Variants in PKD1 observed in about 807,000 individuals in gnomAD.
PKD1 encodes the protein polycystin 1, transient receptor potential channel interacting.
Under a neutral mutation model 361.7 loss-of-function variants are expected in PKD1, and 81 were observed. The observed-to-expected ratio is 0.22, with a 90% CI of 0.19 to 0.27. The LOEUF (loss-of-function observed/expected upper bound fraction) is 0.27. Among genes scored for constraint, PKD1 ranks in the 10% least tolerant of loss-of-function variants. The probability of loss-of-function intolerance (pLI) is 1.00; values close to 1 mark genes in which losing one functional copy is unlikely to be tolerated. For missense variants in PKD1, 6,399 were observed against 6,118.3 expected, an observed-to-expected ratio of 1.05 and a Z score of -1.53; for synonymous variants, 3,615 against 2,818.3, an observed-to-expected ratio of 1.28 and a Z score of -8.95.
intron 25 of PKD1, 27 bp from the exon 26 acceptor site, chr16:2,102,283 G>A: frequency 1.4e-6 from 2 of 1,474,548 alleles, no homozygotes; most frequent in African/African-American, 1.4e-5. Context: ...GCCGGGCCCA[G>A]GAGGTCACGT....
chr16:2,111,348 G>A lies in PKD1; in HGVS notation c.3819C>T (p.Thr1273=), dbSNP rs764979703. ...VYLRAQNCTV[T]VGAASPAGHL... ...GGCCGGCGGGGCTGGCCGCACCCAC[G>A]GTCACTGTGCAGTTCTGTGCCCGCA... Residue 1273 remains threonine (T), a synonymous_variant, in exon 15 of 46, where the codon ACC becomes ACT. Transcript: ENST00000262304. 36 of 1,609,444 alleles carry A rather than the reference G, an allele frequency of 2.2e-5. No homozygotes were observed. Among genetic ancestry groups the A allele is most frequent in the South Asian group, 1.3e-4 (12 of 90,950 alleles).
rs185355445 is a variant in PKD1, at chr16:2,093,096, G to A, written c.11017-3C>T. On this transcript the variant is annotated splice_region_variant and splice_polypyrimidine_tract_variant and intron_variant, in intron 37 of 45. Transcript: ENST00000262304. ...AAAAGCATGTACACCAGGAGGCTCT[G>A]GTGGACGGGGGGGCCCTGTGGTCAG... 3,687 of 1,612,336 alleles carry A rather than the reference G, an allele frequency of 2.3e-3. 2 individuals carry two copies. The highest frequency in any genetic ancestry group is 2.9e-3 in the Non-Finnish European group (3,434 of 1,179,896).
At chr16:2,098,548 CAT>C (rs1220367478) in intron 30 of PKD1, among the ~76,000 whole-genome samples, 1 of 146,322 alleles carries the variant, frequency 6.8e-6, no homozygotes, top group Admixed American at 6.8e-5. Context: ...CGAGCAGCCA[CAT>C]GTGGCCTCTG....
rs560799680 is a variant in PKD1 at position 2,117,680 on chromosome 16, C to T, written c.1202-8G>A. ...GGCAGAGCGGGTGCACCGCTGGAGA[C>T]CGGTGGGAACGAGGGTGTCAACGGT... On this transcript the variant is annotated splice_region_variant and splice_polypyrimidine_tract_variant and intron_variant, in intron 5 of 45. Transcript: ENST00000262304. 1.1e-4 allele frequency: 182 copies of T among 1,606,910 alleles called. 1 individual carries two copies. In the South Asian group the frequency reaches 1.4e-3, roughly 12 times the overall value.
intron 1 of PKD1, among the ~76,000 whole-genome samples, chr16:2,120,578 T>C (rs985719630): frequency 1.3e-5 from 2 of 152,200 alleles, no homozygotes; most frequent in African/African-American, 2.4e-5. Context: ...AGTGTGTAAC[T>C]GTAGTTCCAG....
intron 15 of PKD1, 54 bp downstream of exon 15, chr16:2,108,198 C>G: frequency 6.5e-7 from 1 of 1,535,688 alleles, no homozygotes; most frequent in South Asian, 1.2e-5. Flanking sequence ...GTTCTCTGGG[C>G]TCATGGGTGT....
In PKD1 at chr16:2,109,940, C is replaced by G. The variant is rs143990449; in HGVS notation, c.5227G>C (p.Ala1743Pro). The G allele has an allele frequency of 7.5e-6, 12 of 1,610,220 alleles. No individual in the cohort carries two copies. The highest frequency in any genetic ancestry group is 1.3e-5 in the African/African-American group (1 of 74,848). The change falls in exon 15 of 46, where the codon GCT (alanine) becomes CCT (proline). Residue 1743 changes from alanine to proline, a missense_variant. Coordinates refer to ENST00000262304, the MANE Select transcript of PKD1 (RefSeq NM_001009944.3). Reference sequence around the variant, plus strand: ...GTGTATACGACACCACTGCCACCAGCCAGCTCGGCACTGAGGGTGACGCTT... The same window carrying G: ...GTGTATACGACACCACTGCCACCAGGCAGCTCGGCACTGAGGGTGACGCTT... ...NTSVTLSAEL[A>P]GGSGVVYTWS...
chr16:2,115,643 T>C lies in PKD1; in HGVS notation c.1850-18A>G. 6.3e-7 allele frequency: 1 copy of C among 1,594,870 alleles called. No homozygotes were observed. Among genetic ancestry groups the C allele is most frequent in the African/African-American group, 1.3e-5 (1 of 74,442 alleles). ...CGGGGTCCCTGTGAGGAGGGGAGGG[T>C]GTTGGGGCCCTGATTTGCCCACAGG... On this transcript the variant is annotated intron_variant, in intron 9 of 45. Coordinates refer to ENST00000262304, the MANE Select transcript of PKD1 (RefSeq NM_001009944.3).
In PKD1 at chr16:2,090,938, C is replaced by T. The variant is rs1452068217; in HGVS notation, c.11949G>A (p.Leu3983=). ...RFTSFDQVAQ[L]SSAARGLAAS... ...CCGCCAGGCCACGGGCTGCGGAGCTCAGCTGCGCCACCTGGTCGAAGCTAG... is the reference window on the plus strand; with the variant it reads ...CCGCCAGGCCACGGGCTGCGGAGCTTAGCTGCGCCACCTGGTCGAAGCTAG... The change falls in exon 43 of 46, where the codon CTG becomes CTA. Residue 3983 remains leucine (L), a synonymous_variant. Coordinates refer to ENST00000262304, the MANE Select transcript of PKD1 (RefSeq NM_001009944.3). 5 of 1,572,646 alleles carry T rather than the reference C, an allele frequency of 3.2e-6. No homozygotes were observed. The highest frequency in any genetic ancestry group is 2.7e-5 in the African/African-American group (2 of 74,410).
rs538172134 is a variant in PKD1, at chr16:2,093,472, C to T, written c.11016+72G>A. The stretch of plus-strand genomic sequence containing the variant: ...GGTGAGGAAAGGGGGACAGGAGTGT[C>T]CTGCGTGCATGGGTGGGAGGTGGGA... On this transcript the variant is annotated intron_variant, in intron 37 of 45. Transcript: ENST00000262304. 10 of 1,385,664 alleles carry T rather than the reference C, an allele frequency of 7.2e-6. No homozygotes were observed. The Admixed American group carries it at 7.9e-5, about 11-fold the overall frequency. The allele number at this position is 1,385,664 out of a possible 1,614,324, so 85.8% of individuals were successfully genotyped here.
chr16:2,092,059 G>A lies in PKD1; in HGVS notation c.11399C>T (p.Pro3800Leu), dbSNP rs2091613857. 5 of 1,612,658 alleles carry A rather than the reference G, an allele frequency of 3.1e-6. No homozygotes were observed. The highest frequency in any genetic ancestry group is 2.7e-5 in the African/African-American group (2 of 74,938). Reference sequence around the variant, plus strand: ...TCGCTCTGCTCACCCCAGCAGATCCGGCGCTGAATAGGCCCACGTCCCCGA... The same window carrying A: ...TCGCTCTGCTCACCCCAGCAGATCCAGCGCTGAATAGGCCCACGTCCCCGA... ...NGSGTWAYSA[P>L]DLLGAWSWGS... The change falls in exon 40 of 46, where the codon CCG becomes CTG. Residue 3800 changes from proline (P) to leucine (L), a missense_variant. By Grantham distance (98) the Pro-to-Leu change is moderately conservative. Transcript: ENST00000262304.
At position 2,094,081 on chromosome 16, in the gene PKD1, C is replaced by T. The variant is rs748887731; in HGVS notation, c.10618+11G>A. ...AGGGGCTAGGGGCATCCCGGGGCTA[C>T]GCAAGCACACCTGTCCTGGACAGCC... is the stretch of plus-strand genomic sequence containing the variant. On this transcript the variant is annotated intron_variant, in intron 35 of 45. Transcript: ENST00000262304. The T allele has an allele frequency of 1.0e-5, 16 of 1,588,282 alleles. No homozygotes were observed. The highest frequency in any genetic ancestry group is 4.5e-5 in the South Asian group (4 of 88,268).
chr16:2,105,243 C>A, intron 21 of PKD1, 79 bp downstream of exon 21: 3 of 1,454,008 alleles, frequency 2.1e-6, no homozygotes, highest in Admixed American at 3.7e-5. Flanking sequence ...CTCGGCCAAG[C>A]TGCCCGTCTG....
rs1338826236 is a variant in PKD1 at position 2,090,044 on chromosome 16, C to T, written c.12595G>A (p.Val4199Met). 2 of 1,611,174 alleles carry T rather than the reference C, an allele frequency of 1.2e-6. No individual in the cohort carries two copies. Among genetic ancestry groups the T allele is most frequent in the African/African-American group, 1.3e-5 (1 of 74,900 alleles). Residue 4199 changes from valine to methionine, a missense_variant, in exon 46 of 46, where the codon GTG becomes ATG. Val to Met is a conservative substitution (Grantham distance 21). Coordinates refer to ENST00000262304, the MANE Select transcript of PKD1 (RefSeq NM_001009944.3). Reference sequence around the variant, plus strand: ...CTTGTCCCCAGCCGGCCCAGGCTCACGCTCAGCCCATCCAGCTGGCTGGAG... The same window carrying T: ...CTTGTCCCCAGCCGGCCCAGGCTCATGCTCAGCCCATCCAGCTGGCTGGAG... ...TSSSQLDGLS[V>M]SLGRLGTRCE...
Position 2,104,418 on chromosome 16 carries a change from G to A in PKD1, c.8161+80C>T, listed in dbSNP as rs866072737. 92 of 1,036,426 alleles carry A rather than the reference G, an allele frequency of 8.9e-5. No individual in the cohort carries two copies. The Middle Eastern group carries it at 1.5e-3, about 17-fold the overall frequency. The allele number at this position is 1,036,426 out of a possible 1,614,324, so 64.2% of individuals were successfully genotyped here. A position where few individuals can be genotyped will look rare whatever the true frequency, so the allele number is the denominator to read the frequency against. On this transcript the variant is annotated intron_variant, in intron 22 of 45. Transcript: ENST00000262304. ...GACGAAGATGGGATGGGGCAAAGGC[G>A]ACGCGGTTGGGGGGAGGAGGGAGGC...
chr16:2,121,551 C>A (rs929030724), intron 1 of PKD1, among the ~76,000 whole-genome samples: 10 of 152,170 alleles, frequency 6.6e-5, no homozygotes, highest in Admixed American at 3.9e-4. Context: ...CACAGGGCGG[C>A]AGCATGTCTC....
In PKD1 at chr16:2,090,693, T is replaced by C. The variant is rs757297994; in HGVS notation, c.12119A>G (p.Tyr4040Cys). The C allele has an allele frequency of 2.5e-6, 4 of 1,611,862 alleles. No individual in the cohort carries two copies. Among genetic ancestry groups the C allele is most frequent in the Admixed American group, 1.7e-5 (1 of 59,970 alleles). ...TLGLVVLGVA[Y>C]AQLAILLVSS... ...ACCTACCAGGATGGCCAGCTGGGCG[T>C]AGGCTACCCCGAGCACCACCAGGCC... Residue 4040 changes from tyrosine (Y) to cysteine (C), a missense_variant, in exon 44 of 46, where the codon TAC becomes TGC. Physicochemically the swap from Tyr to Cys is radical, Grantham distance 194. Transcript: ENST00000262304.
In PKD1 at chr16:2,091,188, G is replaced by C. The variant is rs769617175; in HGVS notation, c.11713-14C>G. ...CAGCAGGCACACCTGTGGGGGGCGC[G>C]GTCAGGAGGGCGGGAGGGACGCTGC... On this transcript the variant is annotated splice_polypyrimidine_tract_variant and intron_variant, in intron 42 of 45. Transcript: ENST00000262304. 1.4e-6 allele frequency: 2 copies of C among 1,392,004 alleles called. No homozygotes were observed. The highest frequency in any genetic ancestry group is 3.1e-5 in the African/African-American group (2 of 65,320). The allele number at this position is 1,392,004 out of a possible 1,614,324, so 86.2% of individuals were successfully genotyped here. A position where few individuals can be genotyped will look rare whatever the true frequency, so the allele number is the denominator to read the frequency against.
At chr16:2,104,267 C>T (rs1164361289) in intron 22 of PKD1, among the ~76,000 whole-genome samples, 24 of 32,738 alleles carry the variant, frequency 7.3e-4, no homozygotes, top group East Asian at 5.0e-3. Flanking sequence ...ACGGGGAGGA[C>T]GGGGGGGGAA....
Sources: gnomAD v4.1 joint callset for allele counts (sites outside exome capture counted in the v4.1 genomes callset) on GRCh38, gnomAD v4.1.1 for gene constraint, MANE v1.5 for transcripts, NCBI Gene and HGNC (gene_info 2026-07-23, HGNC 2026-07-21) for gene names.